The following XRCC2 variants were observed in gnomAD, a reference collection of about 807,000 sequenced individuals.
XRCC2 encodes the protein X-ray repair cross complementing 2, also known as DNA repair protein XRCC2.
In XRCC2, 24 loss-of-function variants were observed where a neutral mutation model predicts 27.3. That is an observed-to-expected ratio of 0.88 (90% CI 0.64 to 1.24). The LOEUF (loss-of-function observed/expected upper bound fraction) is 1.24, where lower values mean the gene tolerates loss of function less well. Ranked by LOEUF, XRCC2 falls within the 50% of genes most tolerant of loss-of-function variation. The pLI is 0.00. For synonymous variants in XRCC2, 106 were observed against 115.4 expected, an observed-to-expected ratio of 0.92 and a Z score of 0.52; for missense variants, 321 against 325.8, an observed-to-expected ratio of 0.99 and a Z score of 0.11.
chr7:152,658,700 G>C (rs1213315232), intron 2 of XRCC2, among the ~76,000 whole-genome samples: 1 of 51,284 alleles, frequency 1.9e-5, no homozygotes, highest in African/African-American at 7.8e-5. Context: ...TTTTGTGTCT[G>C]GCCTATTTCA....
At chr7:152,662,134 T>G (rs1249748532) in intron 1 of XRCC2, among the ~76,000 whole-genome samples, 1 of 152,026 alleles carries the variant, frequency 6.6e-6, no homozygotes, top group East Asian at 1.9e-4. Flanking sequence ...CCGGCTAATT[T>G]TTGTATTTTT....
At chr7:152,673,652 G>A (rs1446394046) in intron 1 of XRCC2, among the ~76,000 whole-genome samples, 1 of 152,064 alleles carries the variant, frequency 6.6e-6, no homozygotes, top group African/African-American at 2.4e-5. Context: ...CGGATCATGA[G>A]GTCAGGAGTT....
In XRCC2 at chr7:152,676,058, C is replaced by T. The variant is rs2098040942; in HGVS notation, c.22G>A (p.Ala8Thr). Residue 8 changes from alanine to threonine, a missense_variant, in exon 1 of 3, where the codon GCT becomes ACT. Coordinates refer to ENST00000359321, the MANE Select transcript of XRCC2 (RefSeq NM_005431.2). MCSAFHR[A>T]ESGTELLARL... ...GCTCTCACCTCGGTCCCAGACTCAG[C>T]CCTATGGAAGGCACTACACATCGCC... The T allele has an allele frequency of 6.2e-7, 1 of 1,613,840 alleles. No individual in the cohort carries two copies. The highest frequency in any genetic ancestry group is 8.5e-7 in the Non-Finnish European group (1 of 1,179,806).
chr7:152,660,323 G>A (rs531859351), intron 2 of XRCC2, among the ~76,000 whole-genome samples: 69 of 152,206 alleles, frequency 4.5e-4, no homozygotes, highest in African/African-American at 1.6e-3. Flanking sequence ...ATCAACCTAA[G>A]CGCACGCCCT....
chr7:152,651,562 C>A (rs1403163490), intron 2 of XRCC2, among the ~76,000 whole-genome samples: 1 of 152,046 alleles, frequency 6.6e-6, no homozygotes, highest in East Asian at 1.9e-4. Flanking sequence ...AAATTTCCAC[C>A]ATAATCTTAC....
intron 2 of XRCC2, among the ~76,000 whole-genome samples, chr7:152,655,675 G>A (rs1342888364): frequency 6.6e-6 from 1 of 152,186 alleles, no homozygotes; most frequent in East Asian, 1.9e-4. Flanking sequence ...CGGCGCCACT[G>A]CACTCCAGCC....
intron 2 of XRCC2, among the ~76,000 whole-genome samples, chr7:152,652,616 A>G (rs539020461): frequency 7.0e-4 from 107 of 152,184 alleles, no homozygotes; most frequent in African/African-American, 2.6e-3. Context: ...CTATATAATC[A>G]CTATTTACTT....
chr7:152,662,464 T>A (rs868560193), intron 1 of XRCC2, among the ~76,000 whole-genome samples: 1 of 150,834 alleles, frequency 6.6e-6, no homozygotes, highest in Admixed American at 6.6e-5. Context: ...CAAAACTGAT[T>A]CTCAAGTTTC....
At chr7:152,658,830 T>C (rs540153437) in intron 2 of XRCC2, among the ~76,000 whole-genome samples, 28 of 152,360 alleles carry the variant, frequency 1.8e-4, no homozygotes, top group South Asian at 4.1e-4. Context: ...CACTCAACCA[T>C]TGATGGATAC....
rs192683758 is a variant in XRCC2, at chr7:152,660,306, A to G, written c.121+395T>C. Among the ~76,000 whole-genome samples, 600 of 152,190 alleles carry G rather than the reference A, an allele frequency of 3.9e-3. 5 individuals are homozygous for G. Among genetic ancestry groups the G allele is most frequent in the African/African-American group, 0.012 (483 of 41,528 alleles). On this transcript the variant is annotated intron_variant, in intron 2 of 2. Coordinates refer to ENST00000359321, the MANE Select transcript of XRCC2 (RefSeq NM_005431.2). ...CTCTATGAAGCCGCCACATTAAAAGAAAAAAAATCAACCTAAGCGCACGCC... is the reference window on the plus strand; with the variant it reads ...CTCTATGAAGCCGCCACATTAAAAGGAAAAAAATCAACCTAAGCGCACGCC...
Position 152,660,671 on chromosome 7 carries a change from A to C in XRCC2, c.121+30T>G, listed in dbSNP as rs369075889. On this transcript the variant is annotated intron_variant, in intron 2 of 2. Coordinates refer to ENST00000359321, the MANE Select transcript of XRCC2 (RefSeq NM_005431.2). The stretch of plus-strand genomic sequence containing the variant: ...GAAAAATCCTTTTATAAAGATTTGC[A>C]TTTATTTATATAAAGGTTGTATTTT... 3.8e-6 allele frequency: 6 copies of C among 1,572,072 alleles called. No homozygotes were observed. The African/African-American group carries it at 6.8e-5, about 18-fold the overall frequency.
intron 1 of XRCC2, among the ~76,000 whole-genome samples, chr7:152,661,547 G>A (rs1179600237): frequency 3.9e-5 from 6 of 152,186 alleles, no homozygotes; most frequent in Non-Finnish European, 8.8e-5. Context: ...ATGGGGCACA[G>A]GCAGGCCTAG....
Position 152,645,581 on chromosome 7 carries a change from A to G in XRCC2, c.*3061T>C, listed in dbSNP as rs1001010394. 3.3e-5 allele frequency: 5 copies of G among 152,158 alleles called. No homozygotes were observed. The highest frequency in any genetic ancestry group is 1.2e-4 in the African/African-American group (5 of 41,456). The allele number at this position is 152,158 out of a possible 1,614,324, so 9.4% of individuals were successfully genotyped here. A position where few individuals can be genotyped will look rare whatever the true frequency, so the allele number is the denominator to read the frequency against. ...AGAATGACAGTTTTGTTTCTTCCAT[A>G]TGCCTTTTTTTCATGCTTTTTCATT... On this transcript the variant is annotated 3_prime_UTR_variant, in exon 3 of 3. Transcript: ENST00000359321.
At chr7:152,660,319 C>T (rs1250037005) in intron 2 of XRCC2, among the ~76,000 whole-genome samples, 1 of 152,174 alleles carries the variant, frequency 6.6e-6, no homozygotes, top group Non-Finnish European at 1.5e-5. Context: ...AAAAATCAAC[C>T]TAAGCGCACG....
chr7:152,672,109 A>G (rs1218039864), intron 1 of XRCC2, among the ~76,000 whole-genome samples: 5 of 152,186 alleles, frequency 3.3e-5, no homozygotes, highest in African/African-American at 1.2e-4. Flanking sequence ...TTTCTCTAGT[A>G]ATATTCAGCT....
At chr7:152,665,994 A>C (rs1045818405) in intron 1 of XRCC2, among the ~76,000 whole-genome samples, 1 of 152,154 alleles carries the variant, frequency 6.6e-6, no homozygotes, top group Non-Finnish European at 1.5e-5. Flanking sequence ...CTGCATAAGA[A>C]CCCAGTTCCA....
chr7:152,675,495 T>C (rs2098040516), intron 1 of XRCC2, among the ~76,000 whole-genome samples: 2 of 152,080 alleles, frequency 1.3e-5, no homozygotes, highest in South Asian at 4.1e-4. Context: ...ATCCACCGGC[T>C]TGTGTGGCTC....
intron 1 of XRCC2, among the ~76,000 whole-genome samples, chr7:152,662,146 G>A (rs981493355): frequency 3.9e-5 from 6 of 152,004 alleles, no homozygotes; most frequent in African/African-American, 1.4e-4. Context: ...TGTATTTTTA[G>A]TAGAGACAAG....
rs1239379942 is a variant in XRCC2 at position 152,648,400 on chromosome 7, A to C, written c.*242T>G. 3.5e-6 allele frequency: 1 copy of C among 285,542 alleles called. No individual in the cohort carries two copies. Among genetic ancestry groups the C allele is most frequent in the African/African-American group, 2.4e-5 (1 of 41,222 alleles). 17.7% of individuals were successfully genotyped at this position (285,542 alleles called of 1,614,324 possible). On this transcript the variant is annotated 3_prime_UTR_variant, in exon 3 of 3. Transcript: ENST00000359321. ...CCAGCAGCCTGGGAGACAGAGTAAG[A>C]CTGTTTCAAAAAGAAAAAAAAAAAA...
Sources: allele counts gnomAD v4.1 joint callset (sites outside exome capture counted in the v4.1 genomes callset), GRCh38; gene constraint gnomAD v4.1.1; transcripts MANE v1.5; gene names NCBI Gene and HGNC (gene_info 2026-07-23, HGNC 2026-07-21).